The following SGMS1 variants were observed in gnomAD, a reference collection of about 807,000 sequenced individuals.
SGMS1 encodes phosphatidylcholine:ceramide cholinephosphotransferase 1.
In SGMS1, 13 loss-of-function variants were observed where a neutral mutation model predicts 46.2. The observed-to-expected ratio is 0.28, with a 90% CI of 0.18 to 0.45. SGMS1 has a LOEUF of 0.45. Among genes scored for constraint, SGMS1 ranks in the 20% least tolerant of loss-of-function variants. The pLI is 1.00. For missense variants in SGMS1, 324 were observed against 519.9 expected, an observed-to-expected ratio of 0.62 and a Z score of 3.66; for synonymous variants, 203 against 187.8, an observed-to-expected ratio of 1.08 and a Z score of -0.66.
intron 5 of SGMS1, among the ~76,000 whole-genome samples, chr10:50,434,616 C>G (rs1285162408): frequency 6.6e-6 from 1 of 151,776 alleles, no homozygotes; most frequent in Non-Finnish European, 1.5e-5. Context: ...GTGGCTCACG[C>G]CTCTAATCCC....
At chr10:50,443,603 T>G (rs1849572550) in intron 5 of SGMS1, among the ~76,000 whole-genome samples, 1 of 152,046 alleles carries the variant, frequency 6.6e-6, no homozygotes, top group African/African-American at 2.4e-5. Flanking sequence ...ATGAGAGATT[T>G]GTTGCCAGTA....
At chr10:50,457,480 G>C (rs896663265) in intron 5 of SGMS1, among the ~76,000 whole-genome samples, 4 of 151,968 alleles carry the variant, frequency 2.6e-5, no homozygotes, top group Non-Finnish European at 5.9e-5. Flanking sequence ...ACACGGGTAG[G>C]TTGTGTGTTG....
At chr10:50,328,971 C>A (rs947581485) in intron 7 of SGMS1, among the ~76,000 whole-genome samples, 4 of 152,298 alleles carry the variant, frequency 2.6e-5, no homozygotes, top group Non-Finnish European at 5.9e-5. Context: ...AGCCATCCTG[C>A]TAAAGTGAAC....
intron 2 of SGMS1, among the ~76,000 whole-genome samples, chr10:50,535,802 C>T (rs371082070): frequency 6.6e-6 from 1 of 152,136 alleles, no homozygotes; most frequent in Non-Finnish European, 1.5e-5. Flanking sequence ...GATTCAGCCA[C>T]TTTTGGGGGA....
chr10:50,307,252 CA>C lies in SGMS1; in HGVS notation c.1131del (p.Phe377LeufsTer21). On this transcript the variant is annotated frameshift_variant, in exon 11 of 11. Transcript: ENST00000361781. LOFTEE classifies it high-confidence loss of function. The surrounding 1 kb of genome is among the most constrained non-coding windows in gnomAD (Gnocchi z 4.2). Reference protein sequence around the residue: ...RVWWYRPFQYFEKNVQGIVPR... With the variant: ...RVWWYRPFQYXEKNVQGIVPR... ...GGTACAATTCCTTGGACATTCTTTT[CA>C]AAGTACTGAAATGGCCTGTACCACC... 1 of 1,614,064 alleles carries C rather than the reference CA, an allele frequency of 6.2e-7. No homozygotes were observed.
rs140236271 is a variant in SGMS1, at chr10:50,441,097, A to T, written c.-312-7541T>A. Among the ~76,000 whole-genome samples the T allele has an allele frequency of 8.5e-3, 1,300 of 152,330 alleles. 9 individuals carry two copies. Among genetic ancestry groups the T allele is most frequent in the South Asian group, 0.012 (56 of 4,822 alleles). Reference sequence around the variant, plus strand: ...TGCATGCAATGCATCCAGTCGACAAAGTGTTAGTGGGAAACCTCCACTCCC... The same window carrying T: ...TGCATGCAATGCATCCAGTCGACAATGTGTTAGTGGGAAACCTCCACTCCC... On this transcript the variant is annotated intron_variant, in intron 5 of 10. Transcript: ENST00000361781.
chr10:50,514,130 G>A (rs184490043), intron 3 of SGMS1, among the ~76,000 whole-genome samples: 3 of 152,240 alleles, frequency 2.0e-5, no homozygotes, highest in Admixed American at 6.5e-5. Flanking sequence ...TGGCAATTAC[G>A]CCTGTGCCAA....
chr10:50,492,946 C>G (rs1161628374), intron 3 of SGMS1, among the ~76,000 whole-genome samples: 2 of 152,150 alleles, frequency 1.3e-5, no homozygotes, highest in Non-Finnish European at 2.9e-5. Context: ...TCTTCTCCTT[C>G]TTTGGCCTTT....
At chr10:50,345,837 A>G (rs866367272) in intron 6 of SGMS1, among the ~76,000 whole-genome samples, 1 of 152,224 alleles carries the variant, frequency 6.6e-6, no homozygotes, top group African/African-American at 2.4e-5. Flanking sequence ...GGGATACTCA[A>G]CTTACATAAT....
At chr10:50,481,556 G>T (rs948062155) in intron 3 of SGMS1, among the ~76,000 whole-genome samples, 16 of 152,116 alleles carry the variant, frequency 1.1e-4, no homozygotes, top group African/African-American at 3.9e-4. Context: ...AAGATTGAAG[G>T]TAGATAGAGA....
rs565866513 is a variant in SGMS1 at position 50,414,777 on chromosome 10, A to G, written c.-232+18699T>C. Among the ~76,000 whole-genome samples, 14 of 152,230 alleles carry G rather than the reference A, an allele frequency of 9.2e-5. No individual in the cohort carries two copies. The South Asian group carries it at 2.9e-3, about 32-fold the overall frequency. On this transcript the variant is annotated intron_variant, in intron 6 of 10. Transcript: ENST00000361781. Reference sequence around the variant, plus strand: ...TCATCTCCTTGGTTCCAAATACCCTATCTCTTGTACTGTGTGAAGTTTTTC... The same window carrying G: ...TCATCTCCTTGGTTCCAAATACCCTGTCTCTTGTACTGTGTGAAGTTTTTC...
rs147676646 is a variant in SGMS1 at position 50,430,942 on chromosome 10, C to T, written c.-232+2534G>A. On this transcript the variant is annotated intron_variant, in intron 6 of 10. Coordinates refer to ENST00000361781, the MANE Select transcript of SGMS1 (RefSeq NM_147156.4). ...GTTTGTTGATATGAACATAATGCAA[C>T]GCTATAAAATTTGCGCATCTAAAGA... Among the ~76,000 whole-genome samples the T allele has an allele frequency of 4.5e-3, 690 of 151,974 alleles. 4 individuals carry two copies. Among genetic ancestry groups the T allele is most frequent in the Non-Finnish European group, 4.3e-3 (293 of 67,958 alleles).
At chr10:50,606,949 T>C (rs1838703043) in intron 1 of SGMS1, among the ~76,000 whole-genome samples, 1 of 152,204 alleles carries the variant, frequency 6.6e-6, no homozygotes, top group South Asian at 2.1e-4. Flanking sequence ...GTCTGGTTAT[T>C]ATATAACAAA....
intron 2 of SGMS1, among the ~76,000 whole-genome samples, chr10:50,578,675 A>T (rs986399241): frequency 2.6e-5 from 4 of 152,220 alleles, no homozygotes; most frequent in African/African-American, 7.2e-5. Context: ...AACAAATACC[A>T]ATGCTGCAAA....
At chr10:50,412,050 G>A (rs1849107654) in intron 6 of SGMS1, among the ~76,000 whole-genome samples, 1 of 152,134 alleles carries the variant, frequency 6.6e-6, no homozygotes, top group African/African-American at 2.4e-5. Flanking sequence ...CTCCCCTTGG[G>A]CAGCCACCAC....
chr10:50,316,710 A>C (rs541426595), intron 8 of SGMS1, among the ~76,000 whole-genome samples: 3 of 152,324 alleles, frequency 2.0e-5, no homozygotes, highest in African/African-American at 7.2e-5. Flanking sequence ...AAATGCTAAA[A>C]AGGCTGCTGT....
At chr10:50,423,434 G>T (rs2133599867) in intron 6 of SGMS1, among the ~76,000 whole-genome samples, 1 of 152,288 alleles carries the variant, frequency 6.6e-6, no homozygotes, top group East Asian at 1.9e-4. Context: ...GGACCACCTG[G>T]TTGGATTGGT....
chr10:50,333,500 T>A (rs368216087), intron 7 of SGMS1, among the ~76,000 whole-genome samples: 9 of 152,156 alleles, frequency 5.9e-5, no homozygotes, highest in African/African-American at 2.2e-4. Context: ...TGCAAACCCC[T>A]GGAGATTGGG....
chr10:50,477,276 C>A lies in SGMS1; in HGVS notation c.-497-10344G>T, dbSNP rs552869335. Among the ~76,000 whole-genome samples the A allele has an allele frequency of 2.0e-5, 3 of 152,374 alleles. No homozygotes were observed. In the East Asian group the frequency reaches 5.8e-4, roughly 29 times the overall value. On this transcript the variant is annotated intron_variant, in intron 3 of 10. Coordinates refer to ENST00000361781, the MANE Select transcript of SGMS1 (RefSeq NM_147156.4). ...ATTTTGCAGCTTTAAGATTTAATGACTACCCTGCTGGGTTTCAGACTTGCA... is the reference window on the plus strand; with the variant it reads ...ATTTTGCAGCTTTAAGATTTAATGAATACCCTGCTGGGTTTCAGACTTGCA...
Sources: allele counts gnomAD v4.1 joint callset (sites outside exome capture counted in the v4.1 genomes callset), GRCh38; gene constraint gnomAD v4.1.1; non-coding constraint Gnocchi (gnomAD v3.1); transcripts MANE v1.5; gene names NCBI Gene and HGNC (gene_info 2026-07-23, HGNC 2026-07-21).